Variants in STK3 observed in about 807,000 individuals in gnomAD.
The protein encoded by STK3 is serine/threonine-protein kinase 3.
STK3 carries 41 observed loss-of-function variants against 58.0 expected under a neutral mutation model. The ratio of observed to expected loss-of-function variants is 0.71; its 90% CI spans 0.55 to 0.92. The LOEUF is 0.92. Among genes scored for constraint, STK3 ranks in the 40% least tolerant of loss-of-function variants. STK3 has a pLI of 0.00. For missense variants in STK3, 479 were observed against 602.7 expected (o/e 0.79, Z 2.15); for synonymous variants, 170 against 191.0 (o/e 0.89, Z 0.91).
chr8:98,362,965 A>G, the STK3 span, among the ~76,000 whole-genome samples: 59 of 152,264 alleles, frequency 3.9e-4, no homozygotes, highest in African/African-American at 1.4e-3. Context: ...CTGTTTCTAA[A>G]AAGCTTTGAC....
At chr8:98,901,885 G>A (rs965000715) in intron 1 of STK3, among the ~76,000 whole-genome samples, 1 of 152,244 alleles carries the variant, frequency 6.6e-6, no homozygotes. Context: ...AGAATGGGCA[G>A]TAAAGAAGAC....
chr8:98,369,711 G>A (rs1817593208), downstream of STK3, among the ~76,000 whole-genome samples: 1 of 152,154 alleles, frequency 6.6e-6, no homozygotes, highest in Non-Finnish European at 1.5e-5. Context: ...TAAAACAAGA[G>A]GCTCTGTTGA....
At chr8:98,637,395 A>T (rs1330913395) in intron 6 of STK3, among the ~76,000 whole-genome samples, 2 of 151,988 alleles carry the variant, frequency 1.3e-5, no homozygotes, top group Non-Finnish European at 2.9e-5. Flanking sequence ...CAATTAGTTT[A>T]AAAAAAAGAG....
chr8:98,904,073 T>TA (rs972319756), intron 1 of STK3, among the ~76,000 whole-genome samples: 1 of 152,152 alleles, frequency 6.6e-6, no homozygotes, highest in Non-Finnish European at 1.5e-5. Context: ...AAAACAAGGC[T>TA]AAATTTCAGC....
chr8:98,915,572 T>TG (rs1221366041), intron 1 of STK3, among the ~76,000 whole-genome samples: 2 of 151,356 alleles, frequency 1.3e-5, no homozygotes, highest in Non-Finnish European at 2.9e-5. Context: ...AGTTTTTATT[T>TG]GGATATTAAA....
intron 1 of STK3, among the ~76,000 whole-genome samples, chr8:98,887,706 T>C (rs943157096): frequency 1.3e-5 from 2 of 152,020 alleles, no homozygotes; most frequent in African/African-American, 4.8e-5. Context: ...TAGATGTACA[T>C]GAGATAACTA....
chr8:98,717,190 TAA>T (rs919095209), intron 4 of STK3, among the ~76,000 whole-genome samples: 1 of 141,698 alleles, frequency 7.1e-6, no homozygotes. Flanking sequence ...TCATGAAAAT[TAA>T]AAAAAAAAAC....
the STK3 span, among the ~76,000 whole-genome samples, chr8:98,364,781 CTT>C: frequency 6.6e-6 from 1 of 152,176 alleles, no homozygotes; most frequent in Non-Finnish European, 1.5e-5. Context: ...TCCAGTTGGA[CTT>C]AGCCAACGGG....
intron 2 of STK3, among the ~76,000 whole-genome samples, chr8:98,373,494 T>A (rs1213167092): frequency 6.6e-6 from 1 of 152,188 alleles, no homozygotes; most frequent in East Asian, 1.9e-4. Context: ...AGCTAAATGT[T>A]CTTACTGGAT....
At chr8:98,860,272 T>C (rs1564067250) in intron 3 of STK3, among the ~76,000 whole-genome samples, 2 of 151,900 alleles carry the variant, frequency 1.3e-5, no homozygotes, top group East Asian at 1.9e-4. Flanking sequence ...TGTGATGGAG[T>C]GGCTGGAGGT....
At chr8:98,704,411 T>C (rs894552608) in intron 6 of STK3, among the ~76,000 whole-genome samples, 2 of 152,086 alleles carry the variant, frequency 1.3e-5, no homozygotes, top group African/African-American at 2.4e-5. Context: ...GAGGCAACAC[T>C]TGATTAACTG....
chr8:98,874,793 CT>C (rs80347476), intron 3 of STK3, among the ~76,000 whole-genome samples: 329 of 143,268 alleles, frequency 2.3e-3, no homozygotes, highest in Admixed American at 2.4e-3. Flanking sequence ...CATCCTGCTA[CT>C]TTTTTTTTTT....
chr8:98,498,137 CT>C (rs1186016510), intron 10 of STK3, among the ~76,000 whole-genome samples: 68 of 147,000 alleles, frequency 4.6e-4, no homozygotes, highest in Middle Eastern at 3.6e-3. Flanking sequence ...TTGTTTCTAC[CT>C]TTTTTTTTTT....
chr8:98,503,639 C>T (rs1393803264), intron 10 of STK3, among the ~76,000 whole-genome samples: 1 of 152,168 alleles, frequency 6.6e-6, no homozygotes, highest in Non-Finnish European at 1.5e-5. Flanking sequence ...ATCTTTATTT[C>T]TGCCTTCATT....
At chr8:98,641,843 C>T (rs567122590) in intron 6 of STK3, among the ~76,000 whole-genome samples, 15 of 152,262 alleles carry the variant, frequency 9.9e-5, no homozygotes, top group African/African-American at 3.1e-4. Flanking sequence ...AACAATCAAA[C>T]ACAGGCATTC....
intron 1 of STK3, among the ~76,000 whole-genome samples, chr8:98,926,891 T>A (rs577509589): frequency 6.6e-6 from 1 of 152,294 alleles, no homozygotes; most frequent in African/African-American, 2.4e-5. Flanking sequence ...GGCAAGGTAC[T>A]GAGAAGTTCC....
chr8:98,526,913 AT>A lies in STK3; in HGVS notation c.1145del (p.Asn382MetfsTer59). 1 of 1,549,708 alleles carries A rather than the reference AT, an allele frequency of 6.5e-7. No individual in the cohort carries two copies. Among genetic ancestry groups the A allele is most frequent in the South Asian group, 1.3e-5 (1 of 79,212 alleles). On this transcript the variant is annotated frameshift_variant, in exon 10 of 11. Coordinates refer to ENST00000419617, the MANE Select transcript of STK3 (RefSeq NM_006281.4). LOFTEE classifies it high-confidence loss of function. ...GTCTTTGTACTTGTGGTGAGGTTGC[AT>A]TTCCTTAGGTAAACAAAGAACATAA... ...EEEEDGTMKR[N>X]ATSPQVQRPS...
intron 2 of STK3, among the ~76,000 whole-genome samples, chr8:98,372,673 G>A (rs905144225): frequency 2.0e-5 from 3 of 152,210 alleles, no homozygotes; most frequent in African/African-American, 7.2e-5. Context: ...TGTAGGCAGA[G>A]GGTCCAGAAC....
rs376887301 is a variant in STK3 at position 98,559,212 on chromosome 8, A to T, written c.949-11051T>A. ...AAGTCAGGCAAAACCTGTTTAAAAC[A>T]GTTTTATACACGTGTTTCTTGATTT... is the stretch of plus-strand genomic sequence containing the variant. On this transcript the variant is annotated intron_variant, in intron 8 of 10. Coordinates refer to ENST00000419617, the MANE Select transcript of STK3 (RefSeq NM_006281.4). Among the ~76,000 whole-genome samples the T allele has an allele frequency of 2.4e-3, 368 of 152,298 alleles. 1 individual carries two copies. Among genetic ancestry groups the T allele is most frequent in the African/African-American group, 8.5e-3 (355 of 41,584 alleles).
Sources: gnomAD v4.1 joint callset for allele counts (sites outside exome capture counted in the v4.1 genomes callset) on GRCh38, gnomAD v4.1.1 for gene constraint, MANE v1.5 for transcripts, NCBI Gene and HGNC (gene_info 2026-07-23, HGNC 2026-07-21) for gene names.